The following TRAPPC3 variants were observed in gnomAD, a reference collection of about 807,000 sequenced individuals.
TRAPPC3 encodes trafficking protein particle complex subunit 3.
In TRAPPC3, 5 loss-of-function variants were observed where a neutral mutation model predicts 18.2. The observed-to-expected ratio is 0.28, with a 90% CI of 0.14 to 0.58. The LOEUF (loss-of-function observed/expected upper bound fraction) is 0.58, where lower values mean the gene tolerates loss of function less well. TRAPPC3 is among the 20% of genes least tolerant of loss of function. The pLI, the probability that TRAPPC3 is intolerant of heterozygous loss-of-function variation, is 0.91. For missense variants in TRAPPC3, 176 were observed against 225.9 expected (o/e 0.78, Z 1.41); for synonymous variants, 65 against 84.2 (o/e 0.77, Z 1.25).
chr1:36,152,053 G>A (rs1383972930), upstream of TRAPPC3, among the ~76,000 whole-genome samples: 1 of 152,114 alleles, frequency 6.6e-6, no homozygotes, highest in Non-Finnish European at 1.5e-5. Context: ...GAGAATGGGT[G>A]CCTATTCTCT....
In TRAPPC3 at chr1:36,149,445, G is replaced by C. The variant is rs1644250320; in HGVS notation, c.-67C>G. 2 of 1,585,636 alleles carry C rather than the reference G, an allele frequency of 1.3e-6. No individual in the cohort carries two copies. The highest frequency in any genetic ancestry group is 8.6e-7 in the Non-Finnish European group (1 of 1,164,564). On this transcript the variant is annotated 5_prime_UTR_variant, in exon 1 of 5. Coordinates refer to ENST00000373166, the MANE Select transcript of TRAPPC3 (RefSeq NM_014408.5). The stretch of plus-strand genomic sequence containing the variant: ...CTCGGCGACCCCTGCAGACGCCGGA[G>C]CCTAAGCCGCTGCCCCTCAGCCCAC...
chr1:36,154,212 C>T (rs1403585298), upstream of TRAPPC3, among the ~76,000 whole-genome samples: 1 of 152,154 alleles, frequency 6.6e-6, no homozygotes, highest in Non-Finnish European at 1.5e-5. Context: ...ACCATGTTGG[C>T]CAGGCTGATC....
intron 1 of TRAPPC3, among the ~76,000 whole-genome samples, chr1:36,144,365 C>T (rs1644162659): frequency 6.7e-6 from 1 of 148,160 alleles, no homozygotes; most frequent in South Asian, 2.2e-4. Context: ...AACTTTCTGG[C>T]TGGGCATGGT....
chr1:36,146,511 C>T (rs1248750882), intron 1 of TRAPPC3, among the ~76,000 whole-genome samples: 2 of 150,662 alleles, frequency 1.3e-5, no homozygotes, highest in East Asian at 2.0e-4. Context: ...GTCTCCATCT[C>T]CTGACCTCGT....
At chr1:36,145,863 T>C (rs1015813056) in intron 1 of TRAPPC3, among the ~76,000 whole-genome samples, 2 of 152,170 alleles carry the variant, frequency 1.3e-5, no homozygotes, top group African/African-American at 4.8e-5. Context: ...AAGCTCCGCC[T>C]CTCGGGTTCA....
rs202113848 is a variant in TRAPPC3, at chr1:36,137,889, G to A, written c.330C>T (p.Asn110=). 17 of 1,614,206 alleles carry A rather than the reference G, an allele frequency of 1.1e-5. No homozygotes were observed. Among genetic ancestry groups the A allele is most frequent in the Non-Finnish European group, 1.4e-5 (17 of 1,180,038 alleles). ...GDEFSLILEN[N]PLVDFVELPD... ...GAAGTTCCACAAAGTCCACCAAGGG[G>A]TTATTTTCCAAAATGAGGGAGAATT... is the stretch of plus-strand genomic sequence containing the variant. Residue 110 remains asparagine, a synonymous_variant, in exon 4 of 5, where the codon AAC becomes AAT. Transcript: ENST00000373166.
At chr1:36,154,096 TG>T (rs1243993478), upstream of TRAPPC3, among the ~76,000 whole-genome samples, 2 of 152,130 alleles carry the variant, frequency 1.3e-5, no homozygotes, top group Non-Finnish European at 2.9e-5. Context: ...CCTCCGCCTC[TG>T]GGGTTCAAAC....
At chr1:36,145,099 G>A (rs539995667) in intron 1 of TRAPPC3, among the ~76,000 whole-genome samples, 4 of 152,000 alleles carry the variant, frequency 2.6e-5, no homozygotes, top group South Asian at 2.1e-4. Flanking sequence ...TTGGCTCACT[G>A]CAAGCTCTGC....
chr1:36,156,009 G>A (rs1644318930), exon 1 of TRAPPC3: 1 of 161,884 alleles, frequency 6.2e-6, no homozygotes, highest in African/African-American at 2.4e-5. Flanking sequence ...GAGGCTGCGG[G>A]CGCGGGGCTC....
At chr1:36,149,504 C>T, upstream of TRAPPC3, 2 of 1,267,790 alleles carry the variant, frequency 1.6e-6, no homozygotes, top group Non-Finnish European at 2.2e-6. Context: ...TGCGCCTGCG[C>T]GGCCTCCCGC....
At position 36,149,391 on chromosome 1, in the gene TRAPPC3, C is replaced by T. The variant is rs1282448857; in HGVS notation, c.-13G>A. Reference sequence around the variant, plus strand: ...CCTGCCTCGACATGGTGCCGGCCGCCCCGCCCCACTCGCCTAGCCACGGGT... The same window carrying T: ...CCTGCCTCGACATGGTGCCGGCCGCTCCGCCCCACTCGCCTAGCCACGGGT... On this transcript the variant is annotated 5_prime_UTR_variant, in exon 1 of 5. Coordinates refer to ENST00000373166, the MANE Select transcript of TRAPPC3 (RefSeq NM_014408.5). 3.1e-6 allele frequency: 5 copies of T among 1,612,806 alleles called. No homozygotes were observed. In the African/African-American group the frequency reaches 6.7e-5, roughly 21 times the overall value.
At chr1:36,156,019 C>T (rs1644319157) in exon 1 of TRAPPC3, 1 of 169,800 alleles carries the variant, frequency 5.9e-6, no homozygotes. Flanking sequence ...GCGCGGGGCT[C>T]CGGGGCGGGG....
chr1:36,153,593 T>A (rs1644286691), upstream of TRAPPC3, among the ~76,000 whole-genome samples: 1 of 152,152 alleles, frequency 6.6e-6, no homozygotes, highest in South Asian at 2.1e-4. Context: ...ACCTGAGAAT[T>A]CCTTATTGTG....
At chr1:36,145,288 C>G (rs1316522240) in intron 1 of TRAPPC3, among the ~76,000 whole-genome samples, 1 of 152,038 alleles carries the variant, frequency 6.6e-6, no homozygotes, top group Non-Finnish European at 1.5e-5. Flanking sequence ...CTCCACCTCC[C>G]AAAGTGCAGG....
chr1:36,140,268 CTG>C (rs1474551962), intron 1 of TRAPPC3, 102 bp from the exon 2 acceptor site: 2 of 712,884 alleles, frequency 2.8e-6, no homozygotes, highest in Non-Finnish European at 4.4e-6. Flanking sequence ...TTCCCTCTAA[CTG>C]TGTCTGGAGG....
chr1:36,148,517 C>T (rs1391001194), intron 1 of TRAPPC3, among the ~76,000 whole-genome samples: 5 of 149,850 alleles, frequency 3.3e-5, no homozygotes, highest in African/African-American at 1.2e-4. Context: ...ACTGCTTGAA[C>T]CTGGGAGGCA....
At chr1:36,146,917 TTC>T (rs1431421381) in intron 1 of TRAPPC3, among the ~76,000 whole-genome samples, 1 of 152,254 alleles carries the variant, frequency 6.6e-6, no homozygotes, top group Admixed American at 6.5e-5. Context: ...AAAGGGCTGT[TTC>T]TGTTTGCACA....
intron 4 of TRAPPC3, 176 bp downstream of exon 4, chr1:36,137,620 G>A (rs922097178): frequency 5.7e-6 from 4 of 706,214 alleles, no homozygotes; most frequent in South Asian, 3.9e-5. Flanking sequence ...TGGTATGGAG[G>A]AGTATCACCA....
chr1:36,155,910 C>T (rs1208456318), exon 1 of TRAPPC3: 1 of 152,736 alleles, frequency 6.5e-6, no homozygotes. Flanking sequence ...CGGCGCGTAC[C>T]AAGACGCGGA....
Sources: allele counts gnomAD v4.1 joint callset (sites outside exome capture counted in the v4.1 genomes callset), GRCh38; gene constraint gnomAD v4.1.1; transcripts MANE v1.5; gene names NCBI Gene and HGNC (gene_info 2026-07-23, HGNC 2026-07-21).